SYT1: variants seen among roughly 807,000 people sequenced by gnomAD.
SYT1 encodes the protein synaptotagmin-1.
SYT1 carries 8 observed loss-of-function variants against 44.8 expected under a neutral mutation model. That is an observed-to-expected ratio of 0.18 (90% CI 0.10 to 0.32). SYT1 has a LOEUF of 0.32. Among genes scored for constraint, SYT1 ranks in the 10% least tolerant of loss-of-function variants. SYT1 has a pLI of 1.00. For missense variants in SYT1, 286 were observed against 509.3 expected, an observed-to-expected ratio of 0.56 and a Z score of 4.22; for synonymous variants, 154 against 188.8, an observed-to-expected ratio of 0.82 and a Z score of 1.51.
rs1398244684 is a variant in SYT1 at position 79,079,492 on chromosome 12, C to T, written c.-18+32130C>T. Among the ~76,000 whole-genome samples, 3 of 151,956 alleles carry T rather than the reference C, an allele frequency of 2.0e-5. No homozygotes were observed. The East Asian group carries it at 5.8e-4, about 29-fold the overall frequency. ...AATCCCCACTAATACAGATTATCAT[C>T]TCATTTAAATTATGATATATATGTT... On this transcript the variant is annotated intron_variant, in intron 3 of 10. Coordinates refer to ENST00000261205, the MANE Select transcript of SYT1 (RefSeq NM_005639.3).
At chr12:79,362,026 T>G (rs772065309) in intron 9 of SYT1, among the ~76,000 whole-genome samples, 10 of 152,144 alleles carry the variant, frequency 6.6e-5, no homozygotes, top group Non-Finnish European at 1.3e-4. Context: ...TTAAAGAAAT[T>G]TGAATTGCAA....
chr12:79,156,506 C>T (rs191865340), intron 3 of SYT1, among the ~76,000 whole-genome samples: 1 of 152,006 alleles, frequency 6.6e-6, no homozygotes, highest in Non-Finnish European at 1.5e-5. Context: ...CTCGCTCTGT[C>T]TCCCAGGCTG....
rs367673543 is a variant in SYT1 at position 78,989,824 on chromosome 12, G to C, written c.-84+11893G>C. Among the ~76,000 whole-genome samples the C allele has an allele frequency of 9.2e-5, 14 of 152,206 alleles. 1 individual carries two copies. Among genetic ancestry groups the C allele is most frequent in the Admixed American group, 4.6e-4 (7 of 15,270 alleles). On this transcript the variant is annotated intron_variant, in intron 2 of 10. Transcript: ENST00000261205. ...ACATGTTGGGAAGGTAACCTTCCAT[G>C]TCTGCTACAGGAGACATTCTCTTAC...
chr12:78,996,243 A>G (rs1254804650), intron 2 of SYT1, among the ~76,000 whole-genome samples: 1 of 152,222 alleles, frequency 6.6e-6, no homozygotes, highest in Admixed American at 6.5e-5. Context: ...AGTAATTTTC[A>G]ATGAATATAA....
intron 3 of SYT1, among the ~76,000 whole-genome samples, chr12:79,116,723 C>T (rs997490584): frequency 2.0e-5 from 3 of 152,224 alleles, no homozygotes; most frequent in South Asian, 2.1e-4. Context: ...GTATGCTATA[C>T]TCACTTTATT....
rs145025471 is a variant in SYT1 at position 78,895,928 on chromosome 12, A to G, written c.-217+30819A>G. ...AAATGGGTAAGAGAAACGTAAGGAC[A>G]GGAGACAAGTCAGCTATTTAGTTAC... On this transcript the variant is annotated intron_variant, in intron 1 of 10. Coordinates refer to ENST00000261205, the MANE Select transcript of SYT1 (RefSeq NM_005639.3). Among the ~76,000 whole-genome samples the G allele has an allele frequency of 1.8e-3, 270 of 151,854 alleles. 1 individual carries two copies. The highest frequency in any genetic ancestry group is 6.4e-3 in the African/African-American group (264 of 41,530).
At chr12:79,169,697 C>CT (rs1189606649) in intron 3 of SYT1, among the ~76,000 whole-genome samples, 4 of 150,794 alleles carry the variant, frequency 2.7e-5, no homozygotes, top group East Asian at 2.0e-4. Context: ...ATGAGTAGAG[C>CT]TTTTTTTTTA....
At chr12:79,216,282 C>G (rs542845328) in intron 3 of SYT1, among the ~76,000 whole-genome samples, 55 of 152,122 alleles carry the variant, frequency 3.6e-4, no homozygotes, top group African/African-American at 1.3e-3. Flanking sequence ...CACGTCTTTG[C>G]AAATTAAAAG....
intron 4 of SYT1, among the ~76,000 whole-genome samples, chr12:79,255,321 A>T (rs1877453963): frequency 6.6e-6 from 1 of 152,178 alleles, no homozygotes. Flanking sequence ...GATCGTCAGC[A>T]TTTTTTTAGC....
intron 9 of SYT1, among the ~76,000 whole-genome samples, chr12:79,418,246 T>C (rs993372312): frequency 1.3e-5 from 2 of 152,154 alleles, no homozygotes; most frequent in African/African-American, 4.8e-5. Flanking sequence ...TAGAAGTATT[T>C]TGCATGGAAA....
intron 8 of SYT1, among the ~76,000 whole-genome samples, chr12:79,347,243 T>C (rs1364788725): frequency 6.6e-6 from 1 of 152,108 alleles, no homozygotes; most frequent in African/African-American, 2.4e-5. Flanking sequence ...AATGCATTTA[T>C]TAACTGGGCT....
At chr12:78,868,548 A>G (rs1217044440) in intron 1 of SYT1, among the ~76,000 whole-genome samples, 1 of 151,886 alleles carries the variant, frequency 6.6e-6, no homozygotes, top group Admixed American at 6.6e-5. Flanking sequence ...ATACATAATA[A>G]TTTCAGCTAG....
chr12:79,288,307 T>A (rs1234918012), intron 5 of SYT1, among the ~76,000 whole-genome samples: 1 of 152,100 alleles, frequency 6.6e-6, no homozygotes, highest in Non-Finnish European at 1.5e-5. Flanking sequence ...TTTCAAAATA[T>A]CTTCAGCAGA....
At chr12:79,333,162 C>G (rs1158209685) in intron 8 of SYT1, among the ~76,000 whole-genome samples, 1 of 152,240 alleles carries the variant, frequency 6.6e-6, no homozygotes, top group Non-Finnish European at 1.5e-5. Context: ...CTGGGTGGCT[C>G]ATAAACAACA....
rs566343962 is a variant in SYT1, at chr12:79,419,454, T to G, written c.929-24619T>G. The G allele has an allele frequency of 1.3e-3, 435 of 337,720 alleles. 2 individuals carry two copies. The highest frequency in any genetic ancestry group is 2.2e-3 in the Admixed American group (55 of 24,462). 20.9% of individuals were successfully genotyped at this position (337,720 alleles called of 1,614,324 possible). ...GGATCACACTGGCTAACAAAGGATC[T>G]GAGGGTACAATGCAGAAGTTGCCAG... On this transcript the variant is annotated intron_variant, in intron 9 of 10. Coordinates refer to ENST00000261205, the MANE Select transcript of SYT1 (RefSeq NM_005639.3).
chr12:79,296,052 T>C lies in SYT1; in HGVS notation c.475-17T>C, dbSNP rs1670700048. 20 of 1,604,232 alleles carry C rather than the reference T, an allele frequency of 1.2e-5. No homozygotes were observed. Among genetic ancestry groups the C allele is most frequent in the Non-Finnish European group, 1.6e-5 (19 of 1,176,334 alleles). On this transcript the variant is annotated splice_polypyrimidine_tract_variant and intron_variant, in intron 6 of 10. Coordinates refer to ENST00000261205, the MANE Select transcript of SYT1 (RefSeq NM_005639.3). ...CCACTGATATTTATGTATGCTGTATTCTGTCATTTATTTCAGCTGCTGGTA... is the reference window on the plus strand; with the variant it reads ...CCACTGATATTTATGTATGCTGTATCCTGTCATTTATTTCAGCTGCTGGTA...
In SYT1 at chr12:79,052,669, A is replaced by T. The variant is rs1215908686; in HGVS notation, c.-18+5307A>T. ...TCAAACAAATTTACAAGAAAAAAAC[A>T]AACAACCCCATCAAAAAGTGGGTGA... On this transcript the variant is annotated intron_variant, in intron 3 of 10. Transcript: ENST00000261205. Among the ~76,000 whole-genome samples, 4 of 89,636 alleles carry T rather than the reference A, an allele frequency of 4.5e-5. No individual in the cohort carries two copies. In the South Asian group the frequency reaches 1.7e-3, roughly 37 times the overall value. The allele number at this position is 89,636 out of a possible 152,430, so 58.8% of individuals were successfully genotyped here.
intron 1 of SYT1, among the ~76,000 whole-genome samples, chr12:78,941,464 G>C (rs539628722): frequency 4.0e-5 from 6 of 151,066 alleles, no homozygotes; most frequent in African/African-American, 1.2e-4. Flanking sequence ...GAAAAAGATG[G>C]ATCATTTTCA....
intron 3 of SYT1, among the ~76,000 whole-genome samples, chr12:79,189,443 TTAAAA>T (rs1431341516): frequency 6.6e-6 from 1 of 152,174 alleles, no homozygotes; most frequent in Non-Finnish European, 1.5e-5. Flanking sequence ...TGTAAAACAA[TTAAAA>T]TAACTGAAAA....
Sources: gnomAD v4.1 joint callset for allele counts (sites outside exome capture counted in the v4.1 genomes callset) on GRCh38, gnomAD v4.1.1 for gene constraint, MANE v1.5 for transcripts, NCBI Gene and HGNC (gene_info 2026-07-23, HGNC 2026-07-21) for gene names.